CAST: variants seen among roughly 807,000 people sequenced by gnomAD.
CAST encodes the protein MIR583 host.
Under a neutral mutation model 119.6 loss-of-function variants are expected in CAST, and 76 were observed. The observed-to-expected ratio is 0.64, with a 90% CI of 0.53 to 0.77. The LOEUF (loss-of-function observed/expected upper bound fraction) is 0.77. Among genes scored for constraint, CAST ranks in the 30% least tolerant of loss-of-function variants. The pLI is 0.00. For synonymous variants in CAST, 319 were observed against 331.6 expected (o/e 0.96, Z 0.41); for missense variants, 953 against 946.5 (o/e 1.01, Z -0.09).
chr5:96,474,442 G>A, the CAST span, among the ~76,000 whole-genome samples: 1 of 150,036 alleles, frequency 6.7e-6, no homozygotes, highest in African/African-American at 2.4e-5. Flanking sequence ...GGGGGTGGGG[G>A]TGAGGGGTGG....
the CAST span, among the ~76,000 whole-genome samples, chr5:95,989,831 A>G: frequency 6.6e-6 from 1 of 152,316 alleles, no homozygotes; most frequent in East Asian, 1.9e-4. Context: ...AGATGAACCC[A>G]TTCAGAACAG....
chr5:96,533,024 CAAAAAA>C (rs5869724), intron 1 of CAST, among the ~76,000 whole-genome samples: 21 of 129,816 alleles, frequency 1.6e-4, no homozygotes, highest in South Asian at 2.5e-4. Context: ...GACCTGGTCT[CAAAAAA>C]AAAAAAATAA....
the CAST span, among the ~76,000 whole-genome samples, chr5:96,385,819 G>A: frequency 7.5e-4 from 114 of 152,124 alleles, no homozygotes; most frequent in Non-Finnish European, 2.6e-4. Flanking sequence ...CTTCTCATGA[G>A]GTTAAAATTG....
chr5:96,296,331 G>A, the CAST span, among the ~76,000 whole-genome samples: 144 of 152,268 alleles, frequency 9.5e-4, 1 homozygote, highest in African/African-American at 3.3e-3. Context: ...GAAAATTGAT[G>A]TCTGTTAAGT....
In CAST at chr5:96,735,070, A is replaced by G. The variant is rs932935330; in HGVS notation, c.631-1102A>G. On this transcript the variant is annotated intron_variant, in intron 9 of 31. Coordinates refer to ENST00000675179, the MANE Select transcript of CAST (RefSeq NM_001750.7). ...CTGAATCATGGAAGTGGTTTCAATT[A>G]TCCAGACTCAGGCTCACACCCTAGT... is the stretch of plus-strand genomic sequence containing the variant. Among the ~76,000 whole-genome samples, 7 of 152,308 alleles carry G rather than the reference A, an allele frequency of 4.6e-5. No homozygotes were observed. In the East Asian group the frequency reaches 1.4e-3, roughly 29 times the overall value.
chr5:96,541,456 C>T (rs916033242), intron 1 of CAST, among the ~76,000 whole-genome samples: 13 of 152,124 alleles, frequency 8.5e-5, no homozygotes, highest in Non-Finnish European at 1.6e-4. Context: ...AGACTCAATC[C>T]CCTGACCTCC....
intron 1 of CAST, among the ~76,000 whole-genome samples, chr5:96,543,720 T>G (rs1477991840): frequency 2.0e-5 from 3 of 152,210 alleles, no homozygotes; most frequent in African/African-American, 7.2e-5. Context: ...TTTAATGGTT[T>G]TAATTTTACA....
At chr5:96,238,384 CCTTCTT>C in the CAST span, among the ~76,000 whole-genome samples, 1 of 109,622 alleles carries the variant, frequency 9.1e-6, no homozygotes. Context: ...TCCTTCTTCT[CCTTCTT>C]CTTCTTCTTT....
At chr5:96,539,641 G>A (rs927769997) in intron 1 of CAST, among the ~76,000 whole-genome samples, 11 of 151,992 alleles carry the variant, frequency 7.2e-5, no homozygotes, top group African/African-American at 2.4e-4. Context: ...AATTCCCTGC[G>A]TTTCACCTCT....
At chr5:96,204,795 C>A in the CAST span, among the ~76,000 whole-genome samples, 1 of 151,818 alleles carries the variant, frequency 6.6e-6, no homozygotes, top group Non-Finnish European at 1.5e-5. Flanking sequence ...AGTGGTAATA[C>A]CATATCAGGA....
the CAST span, among the ~76,000 whole-genome samples, chr5:96,072,936 G>A: frequency 6.6e-6 from 1 of 152,218 alleles, no homozygotes; most frequent in African/African-American, 2.4e-5. Context: ...GACCACTTGT[G>A]TTTAGCAAAC....
intron 3 of CAST, among the ~76,000 whole-genome samples, chr5:96,710,325 G>T (rs1007434700): frequency 6.6e-6 from 1 of 152,064 alleles, no homozygotes; most frequent in Non-Finnish European, 1.5e-5. Flanking sequence ...AGAAAATGGT[G>T]GTCCTTTCAA....
At chr5:96,186,277 A>G in the CAST span, among the ~76,000 whole-genome samples, 1 of 152,160 alleles carries the variant, frequency 6.6e-6, no homozygotes, top group African/African-American at 2.4e-5. Context: ...TAGATATAGG[A>G]TCATGTCATC....
chr5:96,452,949 T>C, the CAST span, among the ~76,000 whole-genome samples: 1 of 57,760 alleles, frequency 1.7e-5, no homozygotes, highest in Non-Finnish European at 2.5e-5. Flanking sequence ...AGAGCGAGAC[T>C]CCGTCTCAAA....
chr5:96,665,866 ATGTG>A (rs1424091341), intron 1 of CAST, among the ~76,000 whole-genome samples: 1 of 152,146 alleles, frequency 6.6e-6, no homozygotes, highest in Non-Finnish European at 1.5e-5. Flanking sequence ...ATCTAGATTT[ATGTG>A]TGTATGTATC....
At chr5:96,320,914 C>T in the CAST span, among the ~76,000 whole-genome samples, 22 of 152,242 alleles carry the variant, frequency 1.4e-4, no homozygotes, top group East Asian at 3.7e-3. Flanking sequence ...GTCCCCCTTC[C>T]CCCAGAAATT....
the CAST span, among the ~76,000 whole-genome samples, chr5:96,228,453 GC>G: frequency 2.6e-5 from 4 of 152,062 alleles, no homozygotes; most frequent in Admixed American, 6.6e-5. Context: ...CTCACTATCT[GC>G]CCCTGTTCTA....
chr5:96,475,615 A>G, the CAST span, among the ~76,000 whole-genome samples: 11,085 of 152,216 alleles, frequency 0.073, 1,367 homozygotes, highest in African/African-American at 0.25. Flanking sequence ...GGTTTGCAGC[A>G]GTATGGGGTT....
chr5:96,078,679 G>A, the CAST span, among the ~76,000 whole-genome samples: 1 of 152,192 alleles, frequency 6.6e-6, no homozygotes, highest in South Asian at 2.1e-4. Context: ...AAAGAAAGTA[G>A]TTAGAGCACT....
Sources: allele counts gnomAD v4.1 joint callset (sites outside exome capture counted in the v4.1 genomes callset), GRCh38; gene constraint gnomAD v4.1.1; transcripts MANE v1.5; gene names NCBI Gene and HGNC (gene_info 2026-07-23, HGNC 2026-07-21).